Variants in CSMD1 observed in about 807,000 individuals in gnomAD.
CSMD1 encodes the protein CUB and Sushi multiple domains 1, also known as CUB and sushi domain-containing protein 1.
Under a neutral mutation model 417.5 loss-of-function variants are expected in CSMD1, and 213 were observed. The ratio of observed to expected loss-of-function variants is 0.51; its 90% confidence interval spans 0.46 to 0.57. CSMD1 has a LOEUF of 0.57. Ranked by LOEUF, CSMD1 falls within the 20% of genes least tolerant of loss-of-function variation. CSMD1 has a pLI of 0.00. For synonymous variants in CSMD1, 2,862 were observed against 1,736.8 expected (o/e 1.65, Z -16.11); for missense variants, 6,923 against 4,529.7 (o/e 1.53, Z -15.17).
intron 1 of CSMD1, among the ~76,000 whole-genome samples, chr8:4,784,958 T>TA (rs144402924): frequency 0.1 from 15,886 of 152,144 alleles, 919 homozygotes; most frequent in African/African-American, 0.16. Context: ...TCATAAGTGG[T>TA]AAAAAAATGC....
chr8:4,072,973 G>C lies in CSMD1; in HGVS notation c.416-40874C>G, dbSNP rs924294024. Among the ~76,000 whole-genome samples the C allele has an allele frequency of 5.9e-5, 9 of 152,252 alleles. No homozygotes were observed. In the East Asian group the frequency reaches 1.4e-3, roughly 23 times the overall value. ...TTTTAAAATTTTGCTCGTGACATCAGATTTTGCCTTGAATTACACAATATA... is the reference window on the plus strand; with the variant it reads ...TTTTAAAATTTTGCTCGTGACATCACATTTTGCCTTGAATTACACAATATA... On this transcript the variant is annotated intron_variant, in intron 3 of 69. Transcript: ENST00000635120.
chr8:3,591,947 A>G (rs925705202), intron 8 of CSMD1, among the ~76,000 whole-genome samples: 1 of 152,164 alleles, frequency 6.6e-6, no homozygotes, highest in Non-Finnish European at 1.5e-5. Flanking sequence ...AGATACACAG[A>G]TGCATGGATA....
At chr8:4,776,033 G>A (rs1455764032) in intron 1 of CSMD1, among the ~76,000 whole-genome samples, 1 of 152,112 alleles carries the variant, frequency 6.6e-6, no homozygotes, top group Non-Finnish European at 1.5e-5. Flanking sequence ...AGGGCAGTTT[G>A]ACAAATTACA....
intron 2 of CSMD1, among the ~76,000 whole-genome samples, chr8:4,450,157 G>C (rs1237281127): frequency 3.3e-5 from 5 of 152,090 alleles, no homozygotes; most frequent in Admixed American, 2.6e-4. Context: ...CCCCAAAATG[G>C]TTGATATACG....
chr8:3,310,681 C>T (rs113882562), intron 23 of CSMD1, among the ~76,000 whole-genome samples: 2,857 of 152,194 alleles, frequency 0.019, 90 homozygotes, highest in African/African-American at 0.064. Flanking sequence ...CCTGGGAAAA[C>T]TTAAAAATCT....
At chr8:4,334,701 C>T (rs567880429) in intron 3 of CSMD1, among the ~76,000 whole-genome samples, 2 of 152,094 alleles carry the variant, frequency 1.3e-5, no homozygotes, top group Non-Finnish European at 2.9e-5. Context: ...CCAATTCTTA[C>T]CATGAAAAAT....
intron 1 of CSMD1, among the ~76,000 whole-genome samples, chr8:4,846,144 C>T (rs1801130191): frequency 6.6e-6 from 1 of 152,254 alleles, no homozygotes; most frequent in South Asian, 2.1e-4. Flanking sequence ...TTCTCCTGTC[C>T]TGCATACTAT....
intron 26 of CSMD1, among the ~76,000 whole-genome samples, chr8:3,280,518 T>C (rs569576405): frequency 3.7e-4 from 57 of 152,268 alleles, no homozygotes; most frequent in African/African-American, 1.3e-3. Context: ...TCAGAGTCAA[T>C]GTTATATTCT....
intron 5 of CSMD1, among the ~76,000 whole-genome samples, chr8:3,900,208 G>C (rs1055510036): frequency 3.3e-5 from 5 of 151,764 alleles, no homozygotes; most frequent in Non-Finnish European, 7.4e-5. Flanking sequence ...CTGGGTGACA[G>C]TGGAGCTGGG....
intron 2 of CSMD1, among the ~76,000 whole-genome samples, chr8:4,603,971 C>G (rs1162306378): frequency 6.6e-6 from 1 of 151,898 alleles, no homozygotes; most frequent in Admixed American, 6.6e-5. Flanking sequence ...TTCTAAATTA[C>G]AAATTGACAT....
intron 46 of CSMD1, among the ~76,000 whole-genome samples, chr8:3,099,703 A>G (rs1401962678): frequency 2.0e-5 from 3 of 152,234 alleles, no homozygotes; most frequent in Non-Finnish European, 4.4e-5. Context: ...GGGGTTTGAC[A>G]GCAGTGCAAT....
At position 3,616,722 on chromosome 8, in the gene CSMD1, C is replaced by T. The variant is rs371204053; in HGVS notation, c.1085G>A (p.Gly362Asp). Residue 362 changes from glycine (G) to aspartate (D), a missense_variant, in exon 8 of 70, where the codon GGT (glycine) becomes GAT (aspartate). Physicochemically the swap from Gly to Asp is moderately conservative, Grantham distance 94. Coordinates refer to ENST00000635120, the MANE Select transcript of CSMD1 (RefSeq NM_033225.6). ...PGIPENGRRA[G>D]SDFRVGANVQ... ...TTGTATCTCTTACCTGAAGTCGGAA[C>T]CTGCTCTTCTACCATTTTCTGGAAT... 3 of 1,610,088 alleles carry T rather than the reference C, an allele frequency of 1.9e-6. No individual in the cohort carries two copies. The South Asian group carries it at 3.3e-5, about 18-fold the overall frequency.
rs115247239 is a variant in CSMD1 at position 4,016,367 on chromosome 8, T to C, written c.610+15538A>G. Among the ~76,000 whole-genome samples, 1,253 of 152,242 alleles carry C rather than the reference T, an allele frequency of 8.2e-3. 15 individuals carry two copies. Among genetic ancestry groups the C allele is most frequent in the African/African-American group, 0.028 (1,170 of 41,540 alleles). On this transcript the variant is annotated intron_variant, in intron 4 of 69. Coordinates refer to ENST00000635120, the MANE Select transcript of CSMD1 (RefSeq NM_033225.6). Reference sequence around the variant, plus strand: ...AGACATTTTGCAATCTCCTCTTGCCTGAATTGGCTTCCCGAGATGATCGAG... The same window carrying C: ...AGACATTTTGCAATCTCCTCTTGCCCGAATTGGCTTCCCGAGATGATCGAG...
intron 6 of CSMD1, among the ~76,000 whole-genome samples, chr8:3,725,967 T>C (rs1421108610): frequency 2.6e-5 from 4 of 152,068 alleles, no homozygotes; most frequent in Admixed American, 1.3e-4. Context: ...GAAAAAACAG[T>C]GGAAGTAATT....
At chr8:4,117,963 A>T (rs1327426827) in intron 3 of CSMD1, among the ~76,000 whole-genome samples, 1 of 151,732 alleles carries the variant, frequency 6.6e-6, no homozygotes, top group Non-Finnish European at 1.5e-5. Context: ...AAAAAAAAAA[A>T]AGCAGTGTAC....
At chr8:4,296,314 A>G (rs1212997199) in intron 3 of CSMD1, among the ~76,000 whole-genome samples, 2 of 152,142 alleles carry the variant, frequency 1.3e-5, no homozygotes, top group Non-Finnish European at 2.9e-5. Context: ...CCCTGTGGTT[A>G]TAAATTCTAT....
intron 1 of CSMD1, among the ~76,000 whole-genome samples, chr8:4,662,772 T>C (rs946361838): frequency 2.6e-5 from 4 of 152,184 alleles, no homozygotes; most frequent in Non-Finnish European, 5.9e-5. Context: ...GATGCTCACA[T>C]TCCTTTTCCA....
chr8:3,593,569 G>C (rs1319022018), intron 8 of CSMD1, among the ~76,000 whole-genome samples: 2 of 152,160 alleles, frequency 1.3e-5, no homozygotes, highest in African/African-American at 4.8e-5. Flanking sequence ...GTCCAGATCT[G>C]ACTTTTAACC....
At chr8:4,715,892 T>G (rs1187166062) in intron 1 of CSMD1, among the ~76,000 whole-genome samples, 1 of 152,232 alleles carries the variant, frequency 6.6e-6, no homozygotes, top group African/African-American at 2.4e-5. Flanking sequence ...GGCTCTGTCC[T>G]GGTTCCTCTA....
Sources: gnomAD v4.1 joint callset for allele counts (sites outside exome capture counted in the v4.1 genomes callset) on GRCh38, gnomAD v4.1.1 for gene constraint, MANE v1.5 for transcripts, NCBI Gene and HGNC (gene_info 2026-07-23, HGNC 2026-07-21) for gene names.